PMS1: variants seen among roughly 807,000 people sequenced by gnomAD.
PMS1 encodes the protein PMS1 homolog 1, mismatch repair system component, also known as PMS1 protein homolog 1.
In PMS1, 79 loss-of-function variants were observed where a neutral mutation model predicts 93.1. The observed-to-expected ratio is 0.85, with a 90% CI of 0.71 to 1.02. PMS1 has a LOEUF of 1.02. Among genes scored for constraint, PMS1 ranks in the 50% least tolerant of loss-of-function variants. PMS1 has a pLI of 0.00. For missense variants in PMS1, 1,064 were observed against 1,085.3 expected, an observed-to-expected ratio of 0.98 and a Z score of 0.28; for synonymous variants, 335 against 363.4, an observed-to-expected ratio of 0.92 and a Z score of 0.89.
At chr2:189,871,205 G>A (rs577486014) in intron 11 of PMS1, among the ~76,000 whole-genome samples, 3 of 152,186 alleles carry the variant, frequency 2.0e-5, no homozygotes, top group East Asian at 1.9e-4. Flanking sequence ...AACTTCTACC[G>A]ATCCTAAGGG....
At chr2:189,787,325 A>C (rs1015713491) in intron 1 of PMS1, among the ~76,000 whole-genome samples, 3 of 152,222 alleles carry the variant, frequency 2.0e-5, no homozygotes, top group Non-Finnish European at 4.4e-5. Context: ...GTCCTTCATT[A>C]ATATTCATGA....
intron 12 of PMS1, among the ~76,000 whole-genome samples, chr2:189,875,358 C>T (rs1001111473): frequency 6.6e-6 from 1 of 151,706 alleles, no homozygotes; most frequent in Non-Finnish European, 1.5e-5. Context: ...CTGCAGTCAG[C>T]CCTCCAGAAC....
Position 189,855,850 on chromosome 2 carries a change from A to G in PMS1, c.1856+722A>G, listed in dbSNP as rs539087430. On this transcript the variant is annotated intron_variant, in intron 9 of 12. Transcript: ENST00000441310. ...TTAGGACACTTAATATAAACACAAA[A>G]TATTATGTTCTGGTGATCTAATCCA... The G allele has an allele frequency of 3.1e-5, 34 of 1,095,750 alleles. No individual in the cohort carries two copies. In the South Asian group the frequency reaches 5.3e-4, roughly 17 times the overall value. 67.9% of individuals were successfully genotyped at this position (1,095,750 alleles called of 1,614,324 possible).
intron 5 of PMS1, among the ~76,000 whole-genome samples, chr2:189,840,199 GAGTAATTT>G (rs1446794559): frequency 5.3e-5 from 8 of 152,184 alleles, no homozygotes; most frequent in African/African-American, 1.7e-4. Context: ...CCCAGAGCCA[GAGTAATTT>G]CAGAGCAAGT....
chr2:189,863,927 C>T lies in PMS1; in HGVS notation c.2041C>T (p.Leu681Phe). The stretch of plus-strand genomic sequence containing the variant: ...ATCTAATCAACCAAAACTTGATGAA[C>T]TCCTTCAGTCCCAAATTGAAAAAAG... Reference protein sequence around the residue: ...SLSNQPKLDELLQSQIEKRRS... With the variant: ...SLSNQPKLDEFLQSQIEKRRS... The change falls in exon 10 of 13, where the codon CTC becomes TTC. Residue 681 changes from leucine (L) to phenylalanine (F), a missense_variant. Coordinates refer to ENST00000441310, the MANE Select transcript of PMS1 (RefSeq NM_000534.5). 6.2e-7 allele frequency: 1 copy of T among 1,612,078 alleles called. No individual in the cohort carries two copies.
intron 11 of PMS1, among the ~76,000 whole-genome samples, chr2:189,870,923 T>C (rs1487765537): frequency 5.9e-5 from 9 of 152,220 alleles, no homozygotes; most frequent in Non-Finnish European, 2.9e-5. Context: ...TACCTGAGAC[T>C]GTGTAAGACT....
At chr2:189,809,443 A>ATTTTTTTT (rs1455268614) in intron 4 of PMS1, among the ~76,000 whole-genome samples, 5 of 29,488 alleles carry the variant, frequency 1.7e-4, no homozygotes, top group African/African-American at 6.6e-4. Context: ...AAGGAAGCAC[A>ATTTTTTTT]TTTCTTTTTT....
intron 5 of PMS1, among the ~76,000 whole-genome samples, chr2:189,833,941 A>G (rs1434836821): frequency 6.6e-6 from 1 of 152,208 alleles, no homozygotes; most frequent in Non-Finnish European, 1.5e-5. Context: ...CTACATATCA[A>G]TAAAATAGAC....
At chr2:189,795,209 T>C (rs1019384849) in intron 2 of PMS1, among the ~76,000 whole-genome samples, 23 of 152,310 alleles carry the variant, frequency 1.5e-4, no homozygotes, top group South Asian at 1.0e-3. Flanking sequence ...TAGAAAGTTA[T>C]AATGTAGTAA....
At chr2:189,864,630 T>C (rs796741291) in intron 10 of PMS1, among the ~76,000 whole-genome samples, 10 of 107,950 alleles carry the variant, frequency 9.3e-5, no homozygotes, top group African/African-American at 2.9e-4. Flanking sequence ...CACTCCAGCC[T>C]GGGTAACAGA....
At chr2:189,835,683 T>C (rs753571804) in intron 5 of PMS1, among the ~76,000 whole-genome samples, 1 of 152,116 alleles carries the variant, frequency 6.6e-6, no homozygotes, top group Non-Finnish European at 1.5e-5. Flanking sequence ...CCCAGCACTT[T>C]GGGAGCCCAA....
rs995710348 is a variant in PMS1, at chr2:189,843,993, A to G, written c.612A>G (p.Ser204=). 1 of 1,614,028 alleles carries G rather than the reference A, an allele frequency of 6.2e-7. No individual in the cohort carries two copies. Among genetic ancestry groups the G allele is most frequent in the South Asian group, 1.1e-5 (1 of 91,086 alleles). The change falls in exon 6 of 13, where the codon TCA becomes TCG. Residue 204 remains serine, a synonymous_variant. Transcript: ENST00000441310. ...KAVIWQKSRV[S]DHKMALMSVL... ...TTATTTGGCAGAAAAGCAGAGTATCAGATCACAAGATGGCTCTCATGTCAG... is the reference window on the plus strand; with the variant it reads ...TTATTTGGCAGAAAAGCAGAGTATCGGATCACAAGATGGCTCTCATGTCAG...
At chr2:189,805,552 A>G (rs1020056347) in intron 3 of PMS1, 100 bp from the exon 4 acceptor site, 2 of 952,048 alleles carry the variant, frequency 2.1e-6, no homozygotes, top group East Asian at 2.5e-5. Flanking sequence ...AAAATACGCT[A>G]TTGAGTAAAT....
intron 10 of PMS1, among the ~76,000 whole-genome samples, chr2:189,865,029 T>G (rs1324714322): frequency 6.6e-6 from 1 of 151,878 alleles, no homozygotes. Flanking sequence ...TTTTCTTTCC[T>G]TCGCAAAATT....
At chr2:189,790,475 G>C (rs2048758903) in intron 1 of PMS1, among the ~76,000 whole-genome samples, 1 of 152,154 alleles carries the variant, frequency 6.6e-6, no homozygotes, top group Non-Finnish European at 1.5e-5. Flanking sequence ...GTGATCTACT[G>C]TAATGAGTTT....
At position 189,791,963 on chromosome 2, in the gene PMS1, A is replaced by G. The variant is rs775559368; in HGVS notation, c.132+22A>G. 9 of 1,610,270 alleles carry G rather than the reference A, an allele frequency of 5.6e-6. No individual in the cohort carries two copies. In the East Asian group the frequency reaches 1.8e-4, roughly 32 times the overall value. On this transcript the variant is annotated intron_variant, in intron 2 of 12. Transcript: ENST00000441310. ...ACTGGTGAGTGTCCTTGAGAACCCA[A>G]ATACCTTTAAGACAAAGAAAAGGGT...
Position 189,877,327 on chromosome 2 carries a change from T to A in PMS1, c.2690T>A (p.Ile897Asn). 1 of 1,613,174 alleles carries A rather than the reference T, an allele frequency of 6.2e-7. No homozygotes were observed. The highest frequency in any genetic ancestry group is 8.5e-7 in the Non-Finnish European group (1 of 1,179,152). The change falls in exon 13 of 13, where the codon ATC becomes AAC. Residue 897 changes from isoleucine (I) to asparagine (N), a missense_variant. Coordinates refer to ENST00000441310, the MANE Select transcript of PMS1 (RefSeq NM_000534.5). ...CCCATGTACTTATCAAAAGAGGACATCCAAGACATTATCTACAGAATGAAG... is the reference window on the plus strand; with the variant it reads ...CCCATGTACTTATCAAAAGAGGACAACCAAGACATTATCTACAGAATGAAG... ...QLPMYLSKEDIQDIIYRMKHQ... is the reference protein window; with the variant it reads ...QLPMYLSKEDNQDIIYRMKHQ...
At chr2:189,812,657 T>C (rs1336507486) in intron 4 of PMS1, among the ~76,000 whole-genome samples, 1 of 152,226 alleles carries the variant, frequency 6.6e-6, no homozygotes. Context: ...TGAGGTACAC[T>C]ATTACAAAGT....
intron 5 of PMS1, among the ~76,000 whole-genome samples, chr2:189,841,688 C>G (rs896134127): frequency 6.6e-6 from 1 of 151,836 alleles, no homozygotes; most frequent in African/African-American, 2.4e-5. Context: ...GTCCAGTCTC[C>G]TCTCTCTTTC....
Sources: gnomAD v4.1 joint callset for allele counts (sites outside exome capture counted in the v4.1 genomes callset) on GRCh38, gnomAD v4.1.1 for gene constraint, MANE v1.5 for transcripts, NCBI Gene and HGNC (gene_info 2026-07-23, HGNC 2026-07-21) for gene names.